The following ENTREP2 variants were observed in gnomAD, a reference collection of about 807,000 sequenced individuals.
ENTREP2 encodes protein ENTREP2.
chr15:29,312,966 A>G, the ENTREP2 span, among the ~76,000 whole-genome samples: 1 of 152,226 alleles, frequency 6.6e-6, no homozygotes, highest in African/African-American at 2.4e-5. Context: ...AAGGAAATTA[A>G]AAGTGCTACT....
At chr15:29,343,026 A>ATGG in the ENTREP2 span, among the ~76,000 whole-genome samples, 1 of 37,360 alleles carries the variant, frequency 2.7e-5, no homozygotes, top group African/African-American at 8.7e-5. Context: ...GTAAAAAGGA[A>ATGG]TGGGGGGGGT....
chr15:29,192,518 A>G, the ENTREP2 span, among the ~76,000 whole-genome samples: 2 of 152,320 alleles, frequency 1.3e-5, no homozygotes, highest in East Asian at 1.9e-4. Flanking sequence ...GTCACAGGAC[A>G]GCAAATTCTA....
chr15:29,481,512 G>A, the ENTREP2 span, among the ~76,000 whole-genome samples: 1 of 152,084 alleles, frequency 6.6e-6, no homozygotes, highest in South Asian at 2.1e-4. Context: ...GAAGACAGAC[G>A]TACCCTCCAC....
the ENTREP2 span, among the ~76,000 whole-genome samples, chr15:29,446,889 C>T: frequency 6.6e-6 from 1 of 152,178 alleles, no homozygotes; most frequent in Non-Finnish European, 1.5e-5. Context: ...TGCAGTCACA[C>T]CTCCTTCTGA....
chr15:29,257,043 A>AT, the ENTREP2 span, among the ~76,000 whole-genome samples: 2 of 141,210 alleles, frequency 1.4e-5, no homozygotes, highest in Non-Finnish European at 3.0e-5. Context: ...TTATTTTTTT[A>AT]TTATTTATTT....
chr15:29,364,723 T>A, the ENTREP2 span, among the ~76,000 whole-genome samples: 6 of 152,196 alleles, frequency 3.9e-5, no homozygotes, highest in African/African-American at 1.4e-4. Flanking sequence ...GTGATGCCTT[T>A]AAAAATTTTT....
At chr15:29,483,707 T>C in the ENTREP2 span, among the ~76,000 whole-genome samples, 2 of 152,364 alleles carry the variant, frequency 1.3e-5, no homozygotes, top group Middle Eastern at 3.4e-3. Flanking sequence ...AGTCGAGTAT[T>C]GTTAGTCCTC....
chr15:29,274,620 T>C, the ENTREP2 span, among the ~76,000 whole-genome samples: 1 of 152,322 alleles, frequency 6.6e-6, no homozygotes, highest in Middle Eastern at 3.4e-3. Flanking sequence ...GGTAGTTTGA[T>C]AACAATTTGC....
the ENTREP2 span, among the ~76,000 whole-genome samples, chr15:29,439,324 CACACACACAA>C: frequency 0.084 from 12,499 of 148,916 alleles, 734 homozygotes; most frequent in East Asian, 0.27. Context: ...CACACACACA[CACACACACAA>C]ACAGTAGAGG....
the ENTREP2 span, chr15:29,381,755 G>C: frequency 6.5e-7 from 1 of 1,549,640 alleles, no homozygotes; most frequent in South Asian, 1.2e-5. Flanking sequence ...AGGCCACCTG[G>C]AGACGCAGGT....
chr15:29,504,565 G>A, the ENTREP2 span, among the ~76,000 whole-genome samples: 1 of 152,212 alleles, frequency 6.6e-6, no homozygotes, highest in African/African-American at 2.4e-5. Context: ...GAGACACCAT[G>A]AAGAAGAACT....
the ENTREP2 span, among the ~76,000 whole-genome samples, chr15:29,128,286 G>T: frequency 6.6e-5 from 10 of 152,208 alleles, no homozygotes; most frequent in African/African-American, 2.2e-4. Context: ...GGCTCTGCAC[G>T]CGACACCCAC....
At chr15:29,597,319 A>G in the ENTREP2 span, among the ~76,000 whole-genome samples, 1 of 152,160 alleles carries the variant, frequency 6.6e-6, no homozygotes, top group Admixed American at 6.6e-5. Context: ...CTGTAATCCC[A>G]GCACTTTGGG....
the ENTREP2 span, among the ~76,000 whole-genome samples, chr15:29,470,903 G>A: frequency 1.2e-4 from 19 of 152,166 alleles, no homozygotes; most frequent in African/African-American, 4.6e-4. Flanking sequence ...TTTGACAAAC[G>A]TCATGCCTTG....
the ENTREP2 span, among the ~76,000 whole-genome samples, chr15:29,606,478 C>T: frequency 6.6e-6 from 1 of 152,028 alleles, no homozygotes; most frequent in Non-Finnish European, 1.5e-5. Context: ...TTGTGATCCA[C>T]CCGCCTCAGC....
the ENTREP2 span, among the ~76,000 whole-genome samples, chr15:29,247,882 T>C: frequency 7.9e-5 from 12 of 152,318 alleles, no homozygotes; most frequent in Middle Eastern, 3.4e-3. Context: ...ACCATAGGAA[T>C]TGTCCACTCC....
At chr15:29,300,555 C>T in the ENTREP2 span, among the ~76,000 whole-genome samples, 7 of 152,138 alleles carry the variant, frequency 4.6e-5, no homozygotes, top group African/African-American at 1.7e-4. Context: ...TTGTTATGAA[C>T]AATTACCAAG....
the ENTREP2 span, chr15:29,126,203 G>A: frequency 7.6e-7 from 1 of 1,307,526 alleles, no homozygotes; most frequent in East Asian, 2.6e-5. Context: ...GGGTCACTGA[G>A]ACCTGCAGCA....
At chr15:29,527,925 G>A in the ENTREP2 span, among the ~76,000 whole-genome samples, 35 of 152,204 alleles carry the variant, frequency 2.3e-4, no homozygotes, top group South Asian at 7.3e-3. Context: ...ACAAACTAGG[G>A]CTGATGAGAC....
Sources: allele counts gnomAD v4.1 joint callset (sites outside exome capture counted in the v4.1 genomes callset), GRCh38; gene constraint gnomAD v4.1.1; transcripts MANE v1.5; gene names NCBI Gene and HGNC (gene_info 2026-07-23, HGNC 2026-07-21).